ITGA5: variants seen among roughly 807,000 people sequenced by gnomAD.
The protein encoded by ITGA5 is integrin alpha-5.
Under a neutral mutation model 146.3 loss-of-function variants are expected in ITGA5, and 55 were observed. That is an observed-to-expected ratio of 0.38 (90% confidence interval 0.30 to 0.47). ITGA5 has a LOEUF of 0.47. Ranked by LOEUF, ITGA5 falls within the 20% of genes least tolerant of loss-of-function variation. The pLI is 0.99. For synonymous variants in ITGA5, 500 were observed against 531.8 expected (o/e 0.94, Z 0.82); for missense variants, 1,131 against 1,329.0 (o/e 0.85, Z 2.32).
chr12:54,413,015 C>T (rs554312912), intron 1 of ITGA5: 1 of 152,892 alleles, frequency 6.5e-6, no homozygotes, highest in African/African-American at 2.4e-5. Flanking sequence ...TGACTGCTTG[C>T]TCTCTTGGTT....
rs1956048345 is a variant in ITGA5 at position 54,419,194 on chromosome 12, C to T, written c.5G>A (p.Gly2Glu). The change falls in exon 1 of 30, where the codon GGG (glycine) becomes GAG (glutamate). Residue 2 changes from glycine (G) to glutamate (E), a missense_variant. Transcript: ENST00000293379. ...GAGAGGGGACTCTGGCGTCCGGCTC[C>T]CCATAGCGCCCGCTCTTCCCTGTCC... is the stretch of plus-strand genomic sequence containing the variant. Reference protein sequence around the residue: MGSRTPESPLHA... With the variant: MESRTPESPLHA... 2 of 1,556,758 alleles carry T rather than the reference C, an allele frequency of 1.3e-6. No homozygotes were observed. Among genetic ancestry groups the T allele is most frequent in the Admixed American group, 1.9e-5 (1 of 51,724 alleles).
chr12:54,418,585 G>C lies in ITGA5; in HGVS notation c.218+396C>G, dbSNP rs58972006. Among the ~76,000 whole-genome samples the C allele has an allele frequency of 4.9e-3, 737 of 151,174 alleles. 9 individuals are homozygous for C. Among genetic ancestry groups the C allele is most frequent in the African/African-American group, 0.017 (702 of 41,172 alleles). ...CCGAGGTCTCCTGGAGCCCCCAAAAGCCCTTCCCGGCCTCTGCGCCCCCTC... is the reference window on the plus strand; with the variant it reads ...CCGAGGTCTCCTGGAGCCCCCAAAACCCCTTCCCGGCCTCTGCGCCCCCTC... On this transcript the variant is annotated intron_variant, in intron 1 of 29. Coordinates refer to ENST00000293379, the MANE Select transcript of ITGA5 (RefSeq NM_002205.5).
chr12:54,405,739 G>A (rs369986108), intron 10 of ITGA5, 23 bp from the exon 11 acceptor site: 49 of 1,613,158 alleles, frequency 3.0e-5, no homozygotes, highest in African/African-American at 4.0e-5. Context: ...AAGGGGCAGC[G>A]CTGGGTCAGA....
At chr12:54,404,584 G>A (rs777609160) in intron 13 of ITGA5, 109 bp from the exon 14 acceptor site, 19 of 1,487,406 alleles carry the variant, frequency 1.3e-5, no homozygotes, top group Admixed American at 1.7e-5. Context: ...AGAAGACAGC[G>A]CCCTCTGTTG....
intron 29 of ITGA5, among the ~76,000 whole-genome samples, chr12:54,396,885 T>A (rs138894703): frequency 2.0e-5 from 3 of 152,018 alleles, no homozygotes; most frequent in Non-Finnish European, 4.4e-5. Flanking sequence ...AAGGTCCTAG[T>A]GTGTTACCCA....
rs1955920075 is a variant in ITGA5 at position 54,409,897 on chromosome 12, C to T, written c.350-300G>A. Among the ~76,000 whole-genome samples the T allele has an allele frequency of 1.3e-5, 2 of 151,512 alleles. No homozygotes were observed. Among genetic ancestry groups the T allele is most frequent in the African/African-American group, 2.4e-5 (1 of 41,228 alleles). The stretch of plus-strand genomic sequence containing the variant: ...TTTGAGATGGAGTCTCACTCTGTCA[C>T]CCAGGCTGGAGTGCAGTAGCATGAT... On this transcript the variant is annotated intron_variant, in intron 2 of 29. Transcript: ENST00000293379. This position sits in a 1 kb window ranked among gnomAD's most constrained non-coding sequence, Gnocchi z 4.7.
intron 29 of ITGA5, 32 bp downstream of exon 29, chr12:54,397,333 G>A (rs1006565855): frequency 5.0e-6 from 8 of 1,612,840 alleles, no homozygotes; most frequent in Non-Finnish European, 6.8e-6. Flanking sequence ...CTGATGAGAG[G>A]GTGGCCAAGT....
At position 54,401,148 on chromosome 12, in the gene ITGA5, T is replaced by A. The variant is rs1438725751; in HGVS notation, c.2494-153A>T. On this transcript the variant is annotated intron_variant, in intron 24 of 29. Transcript: ENST00000293379. The surrounding 1 kb of genome is among the most constrained non-coding windows in gnomAD (Gnocchi z 5.0). ...CAATGGGCAGAGGTGAAATCCTCTC[T>A]AGCCAACACTTTTGGAGGGGGCTCC... Among the ~76,000 whole-genome samples the A allele has an allele frequency of 6.6e-6, 1 of 152,212 alleles. No homozygotes were observed. The highest frequency in any genetic ancestry group is 2.4e-5 in the African/African-American group (1 of 41,458).
chr12:54,409,215 C>A lies in ITGA5; in HGVS notation c.583+17G>T. 6.2e-7 allele frequency: 1 copy of A among 1,600,032 alleles called. No homozygotes were observed. The stretch of plus-strand genomic sequence containing the variant: ...TGAGAAGGCAGACATGGGGCACAGG[C>A]CCCCTCTTGCCCCTACCTGAGCGGC... On this transcript the variant is annotated intron_variant, in intron 4 of 29. Transcript: ENST00000293379. This position sits in a 1 kb window ranked among gnomAD's most constrained non-coding sequence, Gnocchi z 4.7.
chr12:54,401,855 G>T lies in ITGA5; in HGVS notation c.2227C>A (p.Leu743Met), dbSNP rs766148350. 6.2e-7 allele frequency: 1 copy of T among 1,613,964 alleles called. No individual in the cohort carries two copies. The change falls in exon 22 of 30, where the codon CTG becomes ATG. Residue 743 changes from leucine (L) to methionine (M), a missense_variant and splice_region_variant. Around this residue, in one of 3 missense-constraint regions of ITGA5, gnomAD observed 889 missense variants for 1,021.5 expected, o/e 0.87. Coordinates refer to ENST00000293379, the MANE Select transcript of ITGA5 (RefSeq NM_002205.5). This position sits in a 1 kb window ranked among gnomAD's most constrained non-coding sequence, Gnocchi z 5.0. Reference sequence around the variant, plus strand: ...ACTGTAAACCGAAGGCCACCCCACAGCTGGGGACAGAAAAAGAGGAAAAGA... The same window carrying T: ...ACTGTAAACCGAAGGCCACCCCACATCTGGGGACAGAAAAAGAGGAAAAGA... ...LGNPMKAGAS[L>M]WGGLRFTVPH...
At chr12:54,407,424 T>A (rs2120526679) in intron 9 of ITGA5, 1 of 586,712 alleles carries the variant, frequency 1.7e-6, no homozygotes, top group African/African-American at 1.9e-5. Flanking sequence ...ACGATTGTTA[T>A]CCCAGTATAC....
rs1349875343 is a variant in ITGA5, at chr12:54,401,083, C to G, written c.2494-88G>C. ...CTGGATCACCATGGCTCCACTATAC[C>G]CTGCTGTCAGGCTCCTATCTCAGAG... On this transcript the variant is annotated intron_variant, in intron 24 of 29. Coordinates refer to ENST00000293379, the MANE Select transcript of ITGA5 (RefSeq NM_002205.5). This position sits in a 1 kb window ranked among gnomAD's most constrained non-coding sequence, Gnocchi z 5.0. 1.5e-6 allele frequency: 2 copies of G among 1,335,574 alleles called. No homozygotes were observed. The highest frequency in any genetic ancestry group is 2.1e-6 in the Non-Finnish European group (2 of 964,936). 82.7% of individuals were successfully genotyped at this position (1,335,574 alleles called of 1,614,324 possible).
intron 1 of ITGA5, chr12:54,412,188 C>T (rs549105173): frequency 6.3e-5 from 28 of 442,480 alleles, no homozygotes; most frequent in African/African-American, 3.3e-4. Context: ...CCCCTCCTCC[C>T]GCCATTCTCT....
intron 1 of ITGA5, among the ~76,000 whole-genome samples, chr12:54,412,862 G>C (rs1338370951): frequency 6.6e-6 from 1 of 152,016 alleles, no homozygotes; most frequent in Non-Finnish European, 1.5e-5. Flanking sequence ...TTTCCCCTAA[G>C]GGTCTCCTGC....
chr12:54,414,985 C>T (rs1475860386), intron 1 of ITGA5, among the ~76,000 whole-genome samples: 1 of 151,592 alleles, frequency 6.6e-6, no homozygotes, highest in Non-Finnish European at 1.5e-5. Context: ...CCCGTCTCTA[C>T]TAAAAATACA....
At chr12:54,400,746 C>T (rs541167312) in intron 25 of ITGA5, 100 bp downstream of exon 25, 2 of 1,208,504 alleles carry the variant, frequency 1.7e-6, no homozygotes, top group Non-Finnish European at 2.3e-6. Flanking sequence ...ATAGGCACAT[C>T]CTCATTGCCT....
rs1308424437 is a variant in ITGA5, at chr12:54,411,870, G to T, written c.313C>A (p.Pro105Thr). Residue 105 changes from proline (P) to threonine (T), a missense_variant, in exon 2 of 30, where the codon CCC (proline) becomes ACC (threonine). Around this residue, in one of 3 missense-constraint regions of ITGA5, gnomAD observed 175 missense variants for 179.3 expected, o/e 0.98. Transcript: ENST00000293379. Reference protein sequence around the residue: ...AVYLCPWGASPTQCTPIEFDS... With the variant: ...AVYLCPWGASTTQCTPIEFDS... ...AATTCAATGGGGGTGCACTGTGTGG[G>T]GCTGGCACCCCAAGGACAGAGGTAG... The T allele has an allele frequency of 1.9e-6, 3 of 1,593,018 alleles. No homozygotes were observed. Among genetic ancestry groups the T allele is most frequent in the Non-Finnish European group, 2.6e-6 (3 of 1,169,652 alleles).
At chr12:54,396,682 CTGTT>C (rs549997293) in intron 29 of ITGA5, among the ~76,000 whole-genome samples, 5 of 152,164 alleles carry the variant, frequency 3.3e-5, no homozygotes, top group African/African-American at 4.8e-5. Flanking sequence ...GTGGCTGCTT[CTGTT>C]TGTTTGTTTG....
intron 25 of ITGA5, chr12:54,400,208 C>G: frequency 2.1e-6 from 1 of 479,858 alleles, no homozygotes; most frequent in Non-Finnish European, 3.8e-6. Flanking sequence ...CTGGATGTTC[C>G]CTTGGTTTGG....
Sources: allele counts gnomAD v4.1 joint callset (sites outside exome capture counted in the v4.1 genomes callset), GRCh38; gene constraint gnomAD v4.1.1; regional missense constraint gnomAD v4.1.1; non-coding constraint Gnocchi (gnomAD v3.1); transcripts MANE v1.5; gene names NCBI Gene and HGNC (gene_info 2026-07-23, HGNC 2026-07-21).